The following MFAP1 variants were observed in gnomAD, a reference collection of about 807,000 sequenced individuals.
The protein encoded by MFAP1 is microfibrillar-associated protein 1.
MFAP1 carries 18 observed loss-of-function variants against 62.2 expected under a neutral mutation model. The observed-to-expected ratio is 0.29, with a 90% CI of 0.20 to 0.43. The LOEUF is 0.43. Ranked by LOEUF, MFAP1 falls within the 20% of genes least tolerant of loss-of-function variation. MFAP1 has a pLI of 1.00. For synonymous variants in MFAP1, 175 were observed against 180.4 expected (o/e 0.97, Z 0.24); for missense variants, 355 against 559.7 (o/e 0.63, Z 3.69).
intron 1 of MFAP1, among the ~76,000 whole-genome samples, chr15:43,818,922 T>C (rs2087451071): frequency 6.6e-6 from 1 of 152,150 alleles, no homozygotes; most frequent in African/African-American, 2.4e-5. Context: ...CTGGGCACAG[T>C]GGCTCATGCT....
chr15:43,810,078 A>C lies in MFAP1; in HGVS notation c.888-164T>G. 3.9e-6 allele frequency: 3 copies of C among 771,978 alleles called. No individual in the cohort carries two copies. In the South Asian group the frequency reaches 6.0e-5, roughly 16 times the overall value. 47.8% of individuals were successfully genotyped at this position (771,978 alleles called of 1,614,324 possible). On this transcript the variant is annotated intron_variant, in intron 6 of 8. Coordinates refer to ENST00000267812, the MANE Select transcript of MFAP1 (RefSeq NM_005926.3). ...AAGGAGCTCAATAAACAAATGGGTG[A>C]GTTAGTCTTCATTATGTTTGCTAGA...
At chr15:43,824,350 T>G (rs1401567631) in intron 1 of MFAP1, 141 bp downstream of exon 1, 2 of 728,504 alleles carry the variant, frequency 2.7e-6, no homozygotes, top group South Asian at 1.9e-5. Context: ...TGCAAGTGGG[T>G]GGGGGTGGAA....
At chr15:43,815,183 A>AT in intron 2 of MFAP1, 109 bp from the exon 3 acceptor site, 13 of 1,350,178 alleles carry the variant, frequency 9.6e-6, no homozygotes, top group South Asian at 1.3e-5. Context: ...TTAATACTGA[A>AT]GTTTTTTTTT....
At chr15:43,809,295 T>C (rs1379751469) in intron 7 of MFAP1, among the ~76,000 whole-genome samples, 1 of 140,758 alleles carries the variant, frequency 7.1e-6, no homozygotes, top group Non-Finnish European at 1.5e-5. Context: ...CTGGGCAACA[T>C]AGTGAAACCT....
chr15:43,814,813 C>T, intron 3 of MFAP1, 125 bp from the exon 4 acceptor site: 1 of 1,485,658 alleles, frequency 6.7e-7, no homozygotes, highest in East Asian at 2.3e-5. Context: ...TAATCCTATC[C>T]CCACAAACAA....
At chr15:43,816,791 A>C (rs2087436673) in intron 2 of MFAP1, among the ~76,000 whole-genome samples, 1 of 152,190 alleles carries the variant, frequency 6.6e-6, no homozygotes, top group Non-Finnish European at 1.5e-5. Context: ...CTACCATGAG[A>C]CCTTTATAAG....
Position 43,814,941 on chromosome 15 carries a change from A to G in MFAP1, c.429+4T>C, listed in dbSNP as rs753817997. ...AAAAAACTTCCCATGTTCCTTTATCATACCTCATCATCAATTTCCTCCTCC... is the reference window on the plus strand; with the variant it reads ...AAAAAACTTCCCATGTTCCTTTATCGTACCTCATCATCAATTTCCTCCTCC... On this transcript the variant is annotated splice_donor_region_variant and intron_variant, in intron 3 of 8. Transcript: ENST00000267812. 1.9e-6 allele frequency: 3 copies of G among 1,613,804 alleles called. No individual in the cohort carries two copies. Among genetic ancestry groups the G allele is most frequent in the Non-Finnish European group, 8.5e-7 (1 of 1,179,998 alleles).
rs1034670877 is a variant in MFAP1, at chr15:43,812,353, C to T, written c.887+634G>A. Among the ~76,000 whole-genome samples the T allele has an allele frequency of 6.6e-5, 10 of 152,260 alleles. No individual in the cohort carries two copies. In the South Asian group the frequency reaches 2.1e-3, roughly 32 times the overall value. ...TCCACCTGCTTAAAGCTAGGTTGGC[C>T]TTGTGACTTGCTTTGACCAGTATGT... is the stretch of plus-strand genomic sequence containing the variant. On this transcript the variant is annotated intron_variant, in intron 6 of 8. Transcript: ENST00000267812.
At chr15:43,813,483 CA>C in intron 4 of MFAP1, 126 bp from the exon 5 acceptor site, 1 of 746,702 alleles carries the variant, frequency 1.3e-6, no homozygotes, top group Non-Finnish European at 2.0e-6. Context: ...TTTCAAAGAG[CA>C]AAAAACGCTG....
At chr15:43,823,293 A>G (rs1246288821) in intron 1 of MFAP1, among the ~76,000 whole-genome samples, 1 of 151,470 alleles carries the variant, frequency 6.6e-6, no homozygotes, top group Admixed American at 6.6e-5. Context: ...ACAAATTCTT[A>G]TGTTCTTATA....
rs369660038 is a variant in MFAP1 at position 43,817,405 on chromosome 15, G to T, written c.123C>A (p.Ser41=). 5 of 1,613,990 alleles carry T rather than the reference G, an allele frequency of 3.1e-6. No homozygotes were observed. The South Asian group carries it at 5.5e-5, about 18-fold the overall frequency. ...TAGGGGCATAGTCTGGCCTTTTTCC[G>T]GACACATAACGCTTTACCTTCACTT... ...MEKVKVKRYV[S]GKRPDYAPME... The change falls in exon 2 of 9, where the codon TCC becomes TCA. Residue 41 remains serine, a synonymous_variant. Coordinates refer to ENST00000267812, the MANE Select transcript of MFAP1 (RefSeq NM_005926.3).
intron 1 of MFAP1, among the ~76,000 whole-genome samples, chr15:43,818,414 G>C (rs1016173992): frequency 6.8e-6 from 1 of 147,768 alleles, no homozygotes; most frequent in Non-Finnish European, 1.5e-5. Context: ...CAGTTCAAAG[G>C]AAAACTTTAG....
rs545616784 is a variant in MFAP1 at position 43,815,366 on chromosome 15, C to T, written c.300-292G>A. On this transcript the variant is annotated intron_variant, in intron 2 of 8. Coordinates refer to ENST00000267812, the MANE Select transcript of MFAP1 (RefSeq NM_005926.3). ...CTAATATTTGTATTTTTTGTAGAGA[C>T]GGGGTTTTACCATGTTGCCCAGGCT... Among the ~76,000 whole-genome samples the T allele has an allele frequency of 1.1e-4, 16 of 151,820 alleles. No homozygotes were observed. The East Asian group carries it at 1.6e-3, about 15-fold the overall frequency.
At chr15:43,806,617 G>A (rs1012010067) in intron 7 of MFAP1, among the ~76,000 whole-genome samples, 6 of 152,214 alleles carry the variant, frequency 3.9e-5, no homozygotes, top group South Asian at 2.1e-4. Flanking sequence ...GCTCACGCCC[G>A]TAATCCCAGC....
chr15:43,809,619 A>C, intron 7 of MFAP1, 136 bp downstream of exon 7: 1 of 1,047,940 alleles, frequency 9.5e-7, no homozygotes, highest in Non-Finnish European at 1.4e-6. Flanking sequence ...TATTGTTCAG[A>C]AGGAAAAAGC....
Position 43,805,268 on chromosome 15 carries a change from G to A in MFAP1, c.1146C>T (p.Asn382=), listed in dbSNP as rs757413191. ...TILPKVMQVK[N]FGRSGRTKYT... ...ATTTGGTGCGACCTGAGCGTCCAAAGTTCTTGACCTGAGGGAAGGATGGAT... is the reference window on the plus strand; with the variant it reads ...ATTTGGTGCGACCTGAGCGTCCAAAATTCTTGACCTGAGGGAAGGATGGAT... Residue 382 remains asparagine, a synonymous_variant, in exon 9 of 9, where the codon AAC becomes AAT. Transcript: ENST00000267812. 3 of 1,597,120 alleles carry A rather than the reference G, an allele frequency of 1.9e-6. No homozygotes were observed. Among genetic ancestry groups the A allele is most frequent in the Admixed American group, 3.4e-5 (2 of 58,928 alleles).
At chr15:43,805,975 C>G (rs7169382) in intron 7 of MFAP1, among the ~76,000 whole-genome samples, 29,549 of 143,172 alleles carry the variant, frequency 0.21, 3,540 homozygotes, top group African/African-American at 0.33. Context: ...CCTGAGACAG[C>G]GTCTCATTCT....
intron 2 of MFAP1, among the ~76,000 whole-genome samples, chr15:43,815,955 G>A (rs1358187298): frequency 1.3e-5 from 2 of 152,138 alleles, no homozygotes; most frequent in African/African-American, 2.4e-5. Context: ...ATTTTTAATA[G>A]CTCAAGATAA....
At position 43,812,995 on chromosome 15, in the gene MFAP1, A is replaced by C; in HGVS notation, c.879T>G (p.Asp293Glu). 1 of 1,613,912 alleles carries C rather than the reference A, an allele frequency of 6.2e-7. No homozygotes were observed. Among genetic ancestry groups the C allele is most frequent in the East Asian group, 2.2e-5 (1 of 44,880 alleles). ...ELKRIKRDRE[D>E]REALEKEKAE... The stretch of plus-strand genomic sequence containing the variant: ...CTCATCTTTTTACTCACGCTTCTCG[A>C]TCTTCTCTGTCCCTCTTGATTCTTT... Residue 293 changes from aspartate (D) to glutamate (E), a missense_variant, in exon 6 of 9, where the codon GAT becomes GAG. This residue lies in a region of MFAP1 where 257 missense variants were observed against 341.3 expected (regional missense o/e 0.75). Transcript: ENST00000267812.
Sources: allele counts gnomAD v4.1 joint callset (sites outside exome capture counted in the v4.1 genomes callset), GRCh38; gene constraint gnomAD v4.1.1; regional missense constraint gnomAD v4.1.1; transcripts MANE v1.5; gene names NCBI Gene and HGNC (gene_info 2026-07-23, HGNC 2026-07-21).